Variants in SYNDIG1 observed in about 807,000 individuals in gnomAD.
The protein encoded by SYNDIG1 is synapse differentiation-inducing gene protein 1.
A neutral mutation model predicts 19.4 loss-of-function variants in SYNDIG1; 9 were observed. The ratio of observed to expected loss-of-function variants is 0.46; its 90% confidence interval spans 0.28 to 0.81. The LOEUF is 0.81. Ranked by LOEUF, SYNDIG1 falls within the 30% of genes least tolerant of loss-of-function variation. SYNDIG1 has a pLI of 0.12. For synonymous variants in SYNDIG1, 141 were observed against 145.9 expected, an observed-to-expected ratio of 0.97 and a Z score of 0.24; for missense variants, 311 against 343.3, an observed-to-expected ratio of 0.91 and a Z score of 0.74.
chr20:24,617,002 G>A (rs2058945207), intron 3 of SYNDIG1, among the ~76,000 whole-genome samples: 1 of 152,112 alleles, frequency 6.6e-6, no homozygotes, highest in South Asian at 2.1e-4. Flanking sequence ...GGCTTCTGGA[G>A]GTATCTGCCC....
chr20:24,558,060 C>T (rs1320333206), intron 2 of SYNDIG1, among the ~76,000 whole-genome samples: 2 of 152,124 alleles, frequency 1.3e-5, no homozygotes, highest in African/African-American at 2.4e-5. Flanking sequence ...TATAGGAAAA[C>T]AGGAACTCTG....
At chr20:24,597,987 C>T (rs2058622399) in intron 3 of SYNDIG1, among the ~76,000 whole-genome samples, 1 of 152,178 alleles carries the variant, frequency 6.6e-6, no homozygotes. Flanking sequence ...AAGCTGACAT[C>T]AATCGTTTTT....
chr20:24,562,557 G>C (rs1261736092), intron 2 of SYNDIG1, among the ~76,000 whole-genome samples: 1 of 152,158 alleles, frequency 6.6e-6, no homozygotes, highest in African/African-American at 2.4e-5. Context: ...AGGCATTGGG[G>C]TGTGAAATGT....
intron 1 of SYNDIG1, among the ~76,000 whole-genome samples, chr20:24,492,517 C>T (rs575295237): frequency 2.2e-4 from 33 of 152,328 alleles, no homozygotes; most frequent in African/African-American, 7.9e-4. Flanking sequence ...ACTGCCTTCT[C>T]TTTTCTTCAG....
chr20:24,536,256 C>G (rs1051782925), intron 1 of SYNDIG1, among the ~76,000 whole-genome samples: 2 of 152,134 alleles, frequency 1.3e-5, no homozygotes, highest in African/African-American at 4.8e-5. Context: ...AGTGTGGCCA[C>G]GGGTGAAATT....
chr20:24,490,510 C>T (rs552028463), intron 1 of SYNDIG1, among the ~76,000 whole-genome samples: 9 of 152,220 alleles, frequency 5.9e-5, no homozygotes, highest in East Asian at 3.9e-4. Context: ...CCAATGTGCC[C>T]GGGCTTGGAC....
intron 2 of SYNDIG1, among the ~76,000 whole-genome samples, chr20:24,557,490 A>G (rs992992693): frequency 2.0e-5 from 3 of 151,940 alleles, no homozygotes; most frequent in Non-Finnish European, 4.4e-5. Context: ...TTTGGTGTGG[A>G]TGTCCTTTCT....
intron 1 of SYNDIG1, among the ~76,000 whole-genome samples, chr20:24,537,269 A>G (rs964911263): frequency 2.0e-5 from 3 of 152,204 alleles, no homozygotes; most frequent in South Asian, 2.1e-4. Flanking sequence ...TCAAACACAC[A>G]TGAAAGGAGA....
At chr20:24,487,947 G>T (rs996835572) in intron 1 of SYNDIG1, among the ~76,000 whole-genome samples, 1 of 152,142 alleles carries the variant, frequency 6.6e-6, no homozygotes, top group Admixed American at 6.5e-5. Flanking sequence ...GTAGTGTGCC[G>T]ATCTACTCCA....
chr20:24,590,493 G>T lies in SYNDIG1; in HGVS notation c.618+5500G>T, dbSNP rs1161608929. On this transcript the variant is annotated intron_variant, in intron 3 of 3. Coordinates refer to ENST00000376862, the MANE Select transcript of SYNDIG1 (RefSeq NM_024893.3). ...CAGAGAACAGGGCGGAGGGGGAGGC[G>T]CAGGGCGACGACGGCAGTGGTCAAA... is the stretch of plus-strand genomic sequence containing the variant. Among the ~76,000 whole-genome samples, 6 of 152,120 alleles carry T rather than the reference G, an allele frequency of 3.9e-5. No homozygotes were observed. In the East Asian group the frequency reaches 9.6e-4, roughly 24 times the overall value.
chr20:24,587,705 C>T (rs1043943212), intron 3 of SYNDIG1, among the ~76,000 whole-genome samples: 15 of 152,344 alleles, frequency 9.8e-5, no homozygotes, highest in Admixed American at 2.6e-4. Context: ...CCCTCTCTGC[C>T]GCAGTGGCCA....
chr20:24,521,803 C>A lies in SYNDIG1; in HGVS notation c.-78-21217C>A, dbSNP rs549087749. ...TAATCCCAGCTACTCGGGAGGCTGA[C>A]GCAGGAGAATCGCTTGAACCCAGGA... On this transcript the variant is annotated intron_variant, in intron 1 of 3. Transcript: ENST00000376862. Among the ~76,000 whole-genome samples, 52 of 150,752 alleles carry A rather than the reference C, an allele frequency of 3.4e-4. 2 individuals carry two copies. In the South Asian group the frequency reaches 0.011, roughly 30 times the overall value.
chr20:24,481,973 C>G (rs1375400228), intron 1 of SYNDIG1, among the ~76,000 whole-genome samples: 1 of 152,096 alleles, frequency 6.6e-6, no homozygotes, highest in African/African-American at 2.4e-5. Flanking sequence ...ACATTCTATA[C>G]AACAGGCACT....
intron 1 of SYNDIG1, among the ~76,000 whole-genome samples, chr20:24,529,821 G>A (rs1361392616): frequency 2.0e-5 from 3 of 152,154 alleles, no homozygotes; most frequent in South Asian, 2.1e-4. Context: ...GATGGTGTCA[G>A]TGGTGGGGAT....
At chr20:24,517,745 A>G (rs191763974) in intron 1 of SYNDIG1, among the ~76,000 whole-genome samples, 21 of 140,370 alleles carry the variant, frequency 1.5e-4, no homozygotes, top group African/African-American at 2.7e-4. Context: ...ATATATGTGT[A>G]TGTGTGTGTG....
At chr20:24,619,079 T>A (rs1454879278) in intron 3 of SYNDIG1, among the ~76,000 whole-genome samples, 2 of 152,204 alleles carry the variant, frequency 1.3e-5, no homozygotes, top group South Asian at 2.1e-4. Context: ...TGAAGCCTCC[T>A]GGAATTTAAA....
intron 1 of SYNDIG1, among the ~76,000 whole-genome samples, chr20:24,486,438 T>C (rs1433878311): frequency 2.6e-5 from 4 of 152,222 alleles, no homozygotes; most frequent in Non-Finnish European, 5.9e-5. Flanking sequence ...ACACAAATAA[T>C]GTGAAGACCA....
At chr20:24,622,135 G>A (rs35199759) in intron 3 of SYNDIG1, among the ~76,000 whole-genome samples, 12,487 of 152,250 alleles carry the variant, frequency 0.082, 808 homozygotes, top group East Asian at 0.33. Flanking sequence ...TGTGAAAGAC[G>A]TTGATGGAAG....
At chr20:24,562,071 T>C (rs1476868888) in intron 2 of SYNDIG1, among the ~76,000 whole-genome samples, 1 of 152,194 alleles carries the variant, frequency 6.6e-6, no homozygotes, top group Non-Finnish European at 1.5e-5. Flanking sequence ...CTTCCAGATC[T>C]GTGTGTGGAT....
Sources: allele counts gnomAD v4.1 joint callset (sites outside exome capture counted in the v4.1 genomes callset), GRCh38; gene constraint gnomAD v4.1.1; transcripts MANE v1.5; gene names NCBI Gene and HGNC (gene_info 2026-07-23, HGNC 2026-07-21).